The following PPM1L variants were observed in gnomAD, a reference collection of about 807,000 sequenced individuals.
The protein encoded by PPM1L is protein phosphatase 1L.
A neutral mutation model predicts 31.4 loss-of-function variants in PPM1L; 13 were observed. That is an observed-to-expected ratio of 0.41 (90% confidence interval 0.27 to 0.66). The LOEUF is 0.66. Ranked by LOEUF, PPM1L falls within the 30% of genes least tolerant of loss-of-function variation. The probability of loss-of-function intolerance (pLI) is 0.29; values close to 1 mark genes in which losing one functional copy is unlikely to be tolerated. For synonymous variants in PPM1L, 184 were observed against 175.4 expected (o/e 1.05, Z -0.39); for missense variants, 326 against 453.7 (o/e 0.72, Z 2.56).
intron 1 of PPM1L, among the ~76,000 whole-genome samples, chr3:160,895,426 C>G (rs1202577378): frequency 6.6e-6 from 1 of 152,044 alleles, no homozygotes; most frequent in African/African-American, 2.4e-5. Flanking sequence ...CTATATTGCC[C>G]AGGCTGGTCT....
chr3:160,833,710 C>T (rs1553810536), intron 1 of PPM1L, among the ~76,000 whole-genome samples: 1 of 151,892 alleles, frequency 6.6e-6, no homozygotes, highest in Non-Finnish European at 1.5e-5. Context: ...AACATTTTCT[C>T]CCATTCTTTA....
chr3:160,803,933 T>C (rs539617421), intron 1 of PPM1L, among the ~76,000 whole-genome samples: 1 of 152,348 alleles, frequency 6.6e-6, no homozygotes, highest in East Asian at 1.9e-4. Context: ...TTATTCATTT[T>C]TTGAGACGGA....
chr3:161,020,680 G>A (rs191694619), intron 2 of PPM1L, among the ~76,000 whole-genome samples: 227 of 152,090 alleles, frequency 1.5e-3, no homozygotes, highest in Admixed American at 2.4e-3. Flanking sequence ...TCTGGGTCAG[G>A]GTTTTTCTTT....
At chr3:160,853,283 C>T (rs1560127033) in intron 1 of PPM1L, among the ~76,000 whole-genome samples, 1 of 152,098 alleles carries the variant, frequency 6.6e-6, no homozygotes, top group Non-Finnish European at 1.5e-5. Flanking sequence ...GTTTTGGGGG[C>T]CACCATTCAG....
intron 2 of PPM1L, among the ~76,000 whole-genome samples, chr3:161,036,982 TA>T (rs1443310837): frequency 3.3e-5 from 5 of 152,224 alleles, no homozygotes; most frequent in Admixed American, 6.5e-5. Context: ...AAAAATCCTT[TA>T]AAAAAATCTT....
intron 1 of PPM1L, among the ~76,000 whole-genome samples, chr3:160,894,768 G>GT (rs1397330275): frequency 6.6e-6 from 1 of 152,046 alleles, no homozygotes; most frequent in Non-Finnish European, 1.5e-5. Flanking sequence ...TACTCTTTCA[G>GT]TTTTTTCCAT....
intron 1 of PPM1L, among the ~76,000 whole-genome samples, chr3:160,761,583 A>G (rs918473934): frequency 2.6e-5 from 4 of 152,214 alleles, no homozygotes; most frequent in Admixed American, 2.6e-4. Context: ...GCAAATGTGC[A>G]GACTTTTATG....
chr3:160,932,798 A>G (rs995655377), intron 1 of PPM1L, among the ~76,000 whole-genome samples: 2 of 152,226 alleles, frequency 1.3e-5, no homozygotes, highest in African/African-American at 4.8e-5. Flanking sequence ...CTTTTGAAAT[A>G]GAACTGAATT....
At chr3:160,763,930 A>G (rs535629663) in intron 1 of PPM1L, among the ~76,000 whole-genome samples, 1 of 152,332 alleles carries the variant, frequency 6.6e-6, no homozygotes, top group Non-Finnish European at 1.5e-5. Flanking sequence ...TAGTAATTCT[A>G]CTTAATGAAT....
chr3:160,907,146 G>A (rs540372353), intron 1 of PPM1L, among the ~76,000 whole-genome samples: 1 of 152,260 alleles, frequency 6.6e-6, no homozygotes, highest in South Asian at 2.1e-4. Flanking sequence ...ATACTTTAAA[G>A]CAACAAAAGC....
At chr3:161,038,827 T>C (rs1718828442) in intron 2 of PPM1L, among the ~76,000 whole-genome samples, 1 of 152,152 alleles carries the variant, frequency 6.6e-6, no homozygotes, top group South Asian at 2.1e-4. Context: ...TCTACCGGGC[T>C]GCATTCCCAG....
At chr3:161,033,236 G>C (rs1297230383) in intron 2 of PPM1L, among the ~76,000 whole-genome samples, 2 of 152,062 alleles carry the variant, frequency 1.3e-5, no homozygotes, top group Admixed American at 6.6e-5. Context: ...TGGATAGGAA[G>C]ATCAATATCA....
rs1275982491 is a variant in PPM1L, at chr3:161,070,348, G to A, written c.*1191G>A. The A allele has an allele frequency of 3.3e-5, 5 of 152,156 alleles. No homozygotes were observed. Among genetic ancestry groups the A allele is most frequent in the Middle Eastern group, 3.2e-3 (1 of 316 alleles). The allele number at this position is 152,156 out of a possible 1,614,324, so 9.4% of individuals were successfully genotyped here. On this transcript the variant is annotated 3_prime_UTR_variant, in exon 4 of 4. Transcript: ENST00000498165. ...GGAAAGGCAGCAGTCTTCAACATTT[G>A]GTTGCAAATCTCCATCCACATCAGG...
At chr3:160,891,173 T>A (rs1713124560) in intron 1 of PPM1L, among the ~76,000 whole-genome samples, 1 of 152,054 alleles carries the variant, frequency 6.6e-6, no homozygotes. Flanking sequence ...GAAACTATCA[T>A]CAGAGTGAAC....
intron 1 of PPM1L, among the ~76,000 whole-genome samples, chr3:160,856,884 A>G (rs1048208418): frequency 3.3e-5 from 5 of 150,282 alleles, no homozygotes; most frequent in African/African-American, 9.8e-5. Flanking sequence ...CTCCCTATTT[A>G]TTTCACCTTA....
chr3:160,976,154 C>G (rs1458629717), intron 2 of PPM1L, among the ~76,000 whole-genome samples: 4 of 102,444 alleles, frequency 3.9e-5, no homozygotes, highest in African/African-American at 8.4e-5. Context: ...GTCTTTGGCT[C>G]TGTTTATATG....
intron 2 of PPM1L, among the ~76,000 whole-genome samples, chr3:160,997,627 G>T (rs1027187686): frequency 6.6e-6 from 1 of 152,088 alleles, no homozygotes; most frequent in African/African-American, 2.4e-5. Flanking sequence ...CTAGCTTGTT[G>T]TCCTCTTAAA....
chr3:160,919,854 C>A lies in PPM1L; in HGVS notation c.400-41882C>A, dbSNP rs1714327576. Among the ~76,000 whole-genome samples the A allele has an allele frequency of 1.3e-5, 2 of 152,060 alleles. 1 individual carries two copies. Among genetic ancestry groups the A allele is most frequent in the South Asian group, 4.1e-4 (2 of 4,824 alleles). ...TCTGTGAAACCTGGGCTCAATAAAA[C>A]ATTTTGTTTTCTTTTTATTACTTAA... On this transcript the variant is annotated intron_variant, in intron 1 of 3. Coordinates refer to ENST00000498165, the MANE Select transcript of PPM1L (RefSeq NM_139245.4).
chr3:160,861,580 G>T (rs1331146331), intron 1 of PPM1L, among the ~76,000 whole-genome samples: 2 of 152,136 alleles, frequency 1.3e-5, no homozygotes, highest in African/African-American at 4.8e-5. Context: ...TTCCTAATCT[G>T]TATAGCGGGG....
Sources: gnomAD v4.1 joint callset for allele counts (sites outside exome capture counted in the v4.1 genomes callset) on GRCh38, gnomAD v4.1.1 for gene constraint, MANE v1.5 for transcripts, NCBI Gene and HGNC (gene_info 2026-07-23, HGNC 2026-07-21) for gene names.